Variants in MPP4 observed in about 807,000 individuals in gnomAD.
MPP4 encodes MAGUK p55 subfamily member 4.
A neutral mutation model predicts 98.3 loss-of-function variants in MPP4; 91 were observed. The ratio of observed to expected loss-of-function variants is 0.93; its 90% CI spans 0.78 to 1.10. The LOEUF is 1.10. Ranked by LOEUF, MPP4 falls within the 50% of genes least tolerant of loss-of-function variation. The pLI is 0.00. For synonymous variants in MPP4, 261 were observed against 271.8 expected (o/e 0.96, Z 0.39); for missense variants, 744 against 792.9 (o/e 0.94, Z 0.74).
chr2:201,654,994 C>G, intron 17 of MPP4, 77 bp from the exon 18 acceptor site: 1 of 932,090 alleles, frequency 1.1e-6, no homozygotes, highest in Non-Finnish European at 1.6e-6. Context: ...TCATTTTAGT[C>G]CTTCTACTGA....
intron 7 of MPP4, 139 bp from the exon 8 acceptor site, chr2:201,683,055 A>C: frequency 1.0e-5 from 6 of 589,458 alleles, no homozygotes; most frequent in African/African-American, 3.8e-5. Context: ...ATAGAAAAGA[A>C]AGCTGGTTAT....
At chr2:201,661,180 C>G (rs537093569) in intron 14 of MPP4, among the ~76,000 whole-genome samples, 1 of 147,134 alleles carries the variant, frequency 6.8e-6, no homozygotes, top group East Asian at 2.0e-4. Context: ...CTCGGCCTCC[C>G]AAAGTGCTGG....
intron 2 of MPP4, 51 bp from the exon 3 acceptor site, chr2:201,693,080 GA>G: frequency 6.3e-7 from 1 of 1,579,396 alleles, no homozygotes; most frequent in South Asian, 1.2e-5. Flanking sequence ...GTGTAAATGT[GA>G]AAGGCAACTC....
intron 2 of MPP4, 37 bp downstream of exon 2, chr2:201,693,839 C>T (rs1436357316): frequency 6.2e-7 from 1 of 1,611,046 alleles, no homozygotes; most frequent in Admixed American, 1.7e-5. Context: ...GGTGATATTA[C>T]TTTCTGGTCT....
In MPP4 at chr2:201,675,278, G is replaced by C. The variant is rs570757739; in HGVS notation, c.930-7C>G. 1.6e-5 allele frequency: 26 copies of C among 1,605,616 alleles called. No homozygotes were observed. The highest frequency in any genetic ancestry group is 1.2e-4 in the African/African-American group (9 of 74,870). On this transcript the variant is annotated splice_region_variant and splice_polypyrimidine_tract_variant and intron_variant, in intron 10 of 21. Transcript: ENST00000409474. Reference sequence around the variant, plus strand: ...CCAGAATTCCCGTTGCTTCCTATGGGGGGGAAAAAACCATGCGACAAAAAA... The same window carrying C: ...CCAGAATTCCCGTTGCTTCCTATGGCGGGGAAAAAACCATGCGACAAAAAA...
chr2:201,651,662 T>C (rs969840654), intron 18 of MPP4: 6 of 985,258 alleles, frequency 6.1e-6, no homozygotes, highest in Non-Finnish European at 7.2e-6. Flanking sequence ...TATCGAAAAA[T>C]GGTGATTTTG....
chr2:201,666,057 A>G (rs558441275), intron 13 of MPP4: 14 of 282,408 alleles, frequency 5.0e-5, no homozygotes, highest in African/African-American at 1.7e-4. Flanking sequence ...GTGTTCTACC[A>G]TCGGATATGC....
At chr2:201,674,629 C>T (rs552368303) in intron 11 of MPP4, among the ~76,000 whole-genome samples, 8 of 152,296 alleles carry the variant, frequency 5.3e-5, no homozygotes, top group Middle Eastern at 3.4e-3. Context: ...TTCCAGGGTT[C>T]GCTTTGAGAG....
At chr2:201,668,587 G>C (rs757051172) in intron 12 of MPP4, among the ~76,000 whole-genome samples, 1 of 152,062 alleles carries the variant, frequency 6.6e-6, no homozygotes, top group South Asian at 2.1e-4. Flanking sequence ...CTGCAAGCCA[G>C]GAAGAGGCCT....
chr2:201,682,985 C>T, intron 7 of MPP4, 69 bp from the exon 8 acceptor site: 3 of 1,161,644 alleles, frequency 2.6e-6, no homozygotes, highest in East Asian at 2.3e-5. Context: ...GTAGCTACCT[C>T]GATAGCTATT....
At chr2:201,693,174 T>A in intron 2 of MPP4, 145 bp from the exon 3 acceptor site, 1 of 916,370 alleles carries the variant, frequency 1.1e-6, no homozygotes, top group Non-Finnish European at 1.6e-6. Context: ...CTTCAAGCCC[T>A]GTTCCACCTC....
intron 21 of MPP4, chr2:201,646,592 G>T (rs1687564208): frequency 6.6e-6 from 1 of 152,078 alleles, no homozygotes; most frequent in African/African-American, 2.4e-5. Context: ...ATGCCCATAA[G>T]ACTCAGCAAA....
chr2:201,676,582 TAC>T (rs558068997), intron 10 of MPP4, among the ~76,000 whole-genome samples: 69 of 152,292 alleles, frequency 4.5e-4, no homozygotes, highest in African/African-American at 1.3e-3. Context: ...AGATAACATA[TAC>T]ACAGAGTAAA....
intron 9 of MPP4, 122 bp downstream of exon 9, chr2:201,681,374 C>T (rs570551432): frequency 3.6e-6 from 3 of 832,588 alleles, no homozygotes. Flanking sequence ...TGAAAAATAT[C>T]CAACACAGTC....
chr2:201,698,562 AG>A, intron 1 of MPP4, 24 bp downstream of exon 1: 1 of 1,302,578 alleles, frequency 7.7e-7, no homozygotes, highest in Middle Eastern at 2.1e-4. Flanking sequence ...CTGGTAACTG[AG>A]GATTATTTGC....
chr2:201,654,039 C>G (rs1962630), intron 18 of MPP4, among the ~76,000 whole-genome samples: 90,696 of 151,614 alleles, frequency 0.6, 27,283 homozygotes, highest in Admixed American at 0.63. Context: ...TGCAATGGTG[C>G]AATCTCGGCT....
intron 14 of MPP4, among the ~76,000 whole-genome samples, chr2:201,663,445 T>C (rs1345751564): frequency 6.6e-6 from 1 of 152,230 alleles, no homozygotes; most frequent in Non-Finnish European, 1.5e-5. Flanking sequence ...AAATACATTT[T>C]ACTGGGACCA....
chr2:201,648,538 T>C (rs952304243), intron 20 of MPP4, among the ~76,000 whole-genome samples: 1 of 152,214 alleles, frequency 6.6e-6, no homozygotes, highest in Non-Finnish European at 1.5e-5. Flanking sequence ...TGACTAGCAA[T>C]TGAAATCTTA....
At chr2:201,656,077 A>T in intron 17 of MPP4, 121 bp downstream of exon 17, 1 of 1,121,074 alleles carries the variant, frequency 8.9e-7, no homozygotes, top group South Asian at 1.9e-5. Flanking sequence ...TTTTTAAAAA[A>T]GGTATTTGTA....
Sources: gnomAD v4.1 joint callset for allele counts (sites outside exome capture counted in the v4.1 genomes callset) on GRCh38, gnomAD v4.1.1 for gene constraint, MANE v1.5 for transcripts, NCBI Gene and HGNC (gene_info 2026-07-23, HGNC 2026-07-21) for gene names.